Variants in WDFY4 observed in about 807,000 individuals in gnomAD.
WDFY4 encodes the protein WDFY family member 4, also known as WD repeat- and FYVE domain-containing protein 4.
In WDFY4, 169 loss-of-function variants were observed where a neutral mutation model predicts 351.9. The observed-to-expected ratio is 0.48, with a 90% CI of 0.42 to 0.55. The LOEUF is 0.55. WDFY4 is among the 20% of genes least tolerant of loss of function. The probability of loss-of-function intolerance (pLI) is 0.00; values close to 1 mark genes in which losing one functional copy is unlikely to be tolerated. For synonymous variants in WDFY4, 1,622 were observed against 1,574.6 expected, an observed-to-expected ratio of 1.03 and a Z score of -0.71; for missense variants, 3,803 against 3,935.6, an observed-to-expected ratio of 0.97 and a Z score of 0.90.
chr10:48,928,250 C>T (rs915069012), intron 47 of WDFY4, among the ~76,000 whole-genome samples: 17 of 152,132 alleles, frequency 1.1e-4, no homozygotes, highest in African/African-American at 3.9e-4. Context: ...GTCTCCTGAA[C>T]CCCACAAGCT....
intron 39 of WDFY4, among the ~76,000 whole-genome samples, chr10:48,835,182 G>A (rs1332229218): frequency 6.6e-6 from 1 of 152,172 alleles, no homozygotes. Context: ...CTGCAGTCTG[G>A]GAAGTAAGAT....
intron 23 of WDFY4, 40 bp downstream of exon 23, chr10:48,790,957 G>A (rs1565203389): frequency 6.5e-7 from 1 of 1,547,320 alleles, no homozygotes; most frequent in Non-Finnish European, 8.7e-7. Flanking sequence ...ACTCCTGAAA[G>A]GGCTGTCATC....
chr10:48,942,212 A>C (rs758698236), intron 48 of WDFY4, among the ~76,000 whole-genome samples: 18 of 152,030 alleles, frequency 1.2e-4, no homozygotes, highest in South Asian at 6.2e-4. Flanking sequence ...CGATCCACCC[A>C]CCTCAGCCAC....
chr10:48,737,687 T>C (rs971126958), intron 11 of WDFY4, among the ~76,000 whole-genome samples: 2 of 152,156 alleles, frequency 1.3e-5, no homozygotes, highest in Admixed American at 6.5e-5. Flanking sequence ...TGGAAGTGAT[T>C]TGTACGAAAC....
rs554024072 is a variant in WDFY4 at position 48,910,495 on chromosome 10, C to T, written c.7586+8632C>T. On this transcript the variant is annotated intron_variant, in intron 47 of 61. Transcript: ENST00000325239. ...TAAAGGTGACTGAGGTATTTTAGAG[C>T]ATGAAGGAACACCAACATCAAACCT... is the stretch of plus-strand genomic sequence containing the variant. Among the ~76,000 whole-genome samples, 5 of 152,254 alleles carry T rather than the reference C, an allele frequency of 3.3e-5. No individual in the cohort carries two copies. The South Asian group carries it at 8.3e-4, about 25-fold the overall frequency.
chr10:48,721,148 C>A (rs995096116), intron 3 of WDFY4, 113 bp from the exon 4 acceptor site: 6 of 1,025,674 alleles, frequency 5.8e-6, no homozygotes, highest in Non-Finnish European at 7.3e-6. Flanking sequence ...AGGCAAGATG[C>A]CAAAGTCCTC....
At chr10:48,977,923 G>T (rs919684929) in intron 59 of WDFY4, among the ~76,000 whole-genome samples, 4 of 152,228 alleles carry the variant, frequency 2.6e-5, no homozygotes, top group Admixed American at 1.3e-4. Flanking sequence ...CAAGATGGGG[G>T]TGCCCAGCCA....
chr10:48,971,708 G>A (rs2131841483), intron 57 of WDFY4, among the ~76,000 whole-genome samples: 1 of 152,328 alleles, frequency 6.6e-6, no homozygotes, highest in South Asian at 2.1e-4. Flanking sequence ...TGGGCACTCA[G>A]CAAATGTGAG....
intron 51 of WDFY4, among the ~76,000 whole-genome samples, chr10:48,953,333 T>TCTCTCTCTCTCTCACACACA (rs771339557): frequency 8.1e-4 from 104 of 128,228 alleles, no homozygotes; most frequent in African/African-American, 1.7e-3. Flanking sequence ...TCTCTCTCTC[T>TCTCTCTCTCTCTCACACACA]CACACACACA....
Position 48,927,968 on chromosome 10 carries a change from A to C in WDFY4, c.7587-13838A>C, listed in dbSNP as rs974781207. On this transcript the variant is annotated intron_variant, in intron 47 of 61. Coordinates refer to ENST00000325239, the MANE Select transcript of WDFY4 (RefSeq NM_001394531.1). ...TCCACCCTATGTTCAAAACACACAA[A>C]CCAACCTCAAGAGAAGCAAAAGTCA... Among the ~76,000 whole-genome samples the C allele has an allele frequency of 1.1e-4, 17 of 152,312 alleles. No homozygotes were observed. In the East Asian group the frequency reaches 2.9e-3, roughly 26 times the overall value.
chr10:48,827,509 G>A (rs776424824), intron 36 of WDFY4, among the ~76,000 whole-genome samples: 1 of 145,022 alleles, frequency 6.9e-6, no homozygotes, highest in Non-Finnish European at 1.5e-5. Flanking sequence ...CAGGAATTAT[G>A]TTCACTTTCT....
At chr10:48,752,585 G>C (rs2065216384) in intron 12 of WDFY4, among the ~76,000 whole-genome samples, 1 of 152,210 alleles carries the variant, frequency 6.6e-6, no homozygotes, top group African/African-American at 2.4e-5. Flanking sequence ...CTGCTTTGGG[G>C]ATTAAACTGT....
At chr10:48,923,158 C>T (rs540418780) in intron 47 of WDFY4, among the ~76,000 whole-genome samples, 1 of 152,238 alleles carries the variant, frequency 6.6e-6, no homozygotes, top group South Asian at 2.1e-4. Flanking sequence ...TTTTGTTAAG[C>T]CCCCACACAA....
At chr10:48,703,360 G>A (rs916034644) in intron 1 of WDFY4, among the ~76,000 whole-genome samples, 2 of 152,316 alleles carry the variant, frequency 1.3e-5, no homozygotes, top group African/African-American at 2.4e-5. Flanking sequence ...CTGGTTTAGA[G>A]GCTTCCCCAG....
At chr10:48,849,447 G>T (rs1193649246) in intron 39 of WDFY4, among the ~76,000 whole-genome samples, 1 of 152,122 alleles carries the variant, frequency 6.6e-6, no homozygotes, top group African/African-American at 2.4e-5. Flanking sequence ...TGCAATTTCA[G>T]CAGACAAGAC....
chr10:48,745,163 T>C (rs536102846), intron 12 of WDFY4, among the ~76,000 whole-genome samples: 2 of 152,372 alleles, frequency 1.3e-5, no homozygotes, highest in East Asian at 3.9e-4. Context: ...GAAATATTTT[T>C]CTAATTTCCC....
intron 25 of WDFY4, among the ~76,000 whole-genome samples, chr10:48,803,882 A>G (rs1162472136): frequency 1.3e-5 from 2 of 152,188 alleles, no homozygotes; most frequent in Non-Finnish European, 2.9e-5. Flanking sequence ...GAGCTCTGTC[A>G]CCACTCTTGC....
intron 13 of WDFY4, among the ~76,000 whole-genome samples, chr10:48,765,957 T>C (rs569063060): frequency 6.6e-6 from 1 of 152,372 alleles, no homozygotes; most frequent in South Asian, 2.1e-4. Flanking sequence ...TGCCTAAATT[T>C]AGAAAGGGTG....
At chr10:48,787,813 T>C (rs373338511) in intron 20 of WDFY4, among the ~76,000 whole-genome samples, 1,833 of 87,826 alleles carry the variant, frequency 0.021, 118 homozygotes, top group African/African-American at 0.07. Flanking sequence ...CCTCCTCTTC[T>C]TCTTCTTCTT....
Sources: gnomAD v4.1 joint callset for allele counts (sites outside exome capture counted in the v4.1 genomes callset) on GRCh38, gnomAD v4.1.1 for gene constraint, MANE v1.5 for transcripts, NCBI Gene and HGNC (gene_info 2026-07-23, HGNC 2026-07-21) for gene names.